Variants in SSUH2 observed in about 807,000 individuals in gnomAD.
SSUH2 encodes ssu-2 homolog, also known as protein SSUH2 homolog.
In SSUH2, 47 loss-of-function variants were observed where a neutral mutation model predicts 55.3. The observed-to-expected ratio is 0.85, with a 90% CI of 0.67 to 1.08. The LOEUF (loss-of-function observed/expected upper bound fraction) is 1.08. Ranked by LOEUF, SSUH2 falls within the 50% of genes least tolerant of loss-of-function variation. The probability of loss-of-function intolerance (pLI) is 0.00; values close to 1 mark genes in which losing one functional copy is unlikely to be tolerated. For synonymous variants in SSUH2, 212 were observed against 191.5 expected, an observed-to-expected ratio of 1.11 and a Z score of -0.89; for missense variants, 535 against 490.7, an observed-to-expected ratio of 1.09 and a Z score of -0.85.
intron 7 of SSUH2, among the ~76,000 whole-genome samples, chr3:8,628,867 T>G (rs1258500144): frequency 1.3e-5 from 2 of 152,162 alleles, no homozygotes; most frequent in East Asian, 3.9e-4. Context: ...TTGTTTTTTG[T>G]TTTTTTGAGA....
chr3:8,661,935 C>G (rs1396215376), intron 6 of SSUH2, among the ~76,000 whole-genome samples: 2 of 152,166 alleles, frequency 1.3e-5, no homozygotes, highest in African/African-American at 4.8e-5. Flanking sequence ...CTCATGAAAT[C>G]CGACGTTTCC....
intron 6 of SSUH2, chr3:8,663,737 C>T: frequency 4.4e-6 from 2 of 453,746 alleles, no homozygotes; most frequent in Non-Finnish European, 4.4e-6. Context: ...TCCATAGACG[C>T]TCTTACCTTA....
At chr3:8,622,553 C>G (rs1408538657) in intron 11 of SSUH2, among the ~76,000 whole-genome samples, 1 of 152,178 alleles carries the variant, frequency 6.6e-6, no homozygotes, top group Non-Finnish European at 1.5e-5. Flanking sequence ...TGTCGACAGG[C>G]CCCTTTGAAT....
intron 7 of SSUH2, among the ~76,000 whole-genome samples, chr3:8,657,172 T>A (rs1342974287): frequency 3.3e-5 from 5 of 152,198 alleles, no homozygotes; most frequent in African/African-American, 1.2e-4. Flanking sequence ...TGGACCACTG[T>A]GCCTGGCCCA....
intron 4 of SSUH2, 134 bp downstream of exon 4, chr3:8,633,532 C>A: frequency 3.2e-6 from 2 of 621,156 alleles, no homozygotes; most frequent in Non-Finnish European, 5.1e-6. Context: ...AACATCACCA[C>A]CGCTCACACT....
intron 5 of SSUH2, chr3:8,663,819 G>A: frequency 2.2e-6 from 1 of 456,730 alleles, no homozygotes; most frequent in South Asian, 1.5e-5. Context: ...AAGGCACACA[G>A]ATAAATTTAC....
At chr3:8,622,274 C>G (rs1387514417) in intron 11 of SSUH2, among the ~76,000 whole-genome samples, 3 of 152,144 alleles carry the variant, frequency 2.0e-5, no homozygotes, top group Admixed American at 6.5e-5. Context: ...CATTATACTC[C>G]TTTTTAAAGA....
chr3:8,663,902 G>C (rs1401026502), intron 5 of SSUH2: 3 of 445,702 alleles, frequency 6.7e-6, no homozygotes, highest in Non-Finnish European at 1.4e-5. Flanking sequence ...ACAAAGGAGG[G>C]AACTGCTTTC....
chr3:8,647,051 T>C (rs188878010), upstream of SSUH2, among the ~76,000 whole-genome samples: 1 of 152,332 alleles, frequency 6.6e-6, no homozygotes, highest in African/African-American at 2.4e-5. Flanking sequence ...CTATGTAATC[T>C]CACAGGTGGG....
At chr3:8,640,603 T>G (rs1433006311) in intron 1 of SSUH2, among the ~76,000 whole-genome samples, 1 of 150,290 alleles carries the variant, frequency 6.7e-6, no homozygotes, top group African/African-American at 2.5e-5. Context: ...ACGGCAACAG[T>G]AGGGAAAAAG....
chr3:8,633,865 C>T (rs778003039), intron 3 of SSUH2, 70 bp from the exon 4 acceptor site: 1 of 1,613,838 alleles, frequency 6.2e-7, no homozygotes, highest in East Asian at 2.2e-5. Context: ...GCCAGCCAGC[C>T]TCCTCAACGT....
chr3:8,626,902 C>T (rs1012726849), intron 8 of SSUH2: 1 of 152,298 alleles, frequency 6.6e-6, no homozygotes, highest in Non-Finnish European at 1.5e-5. Flanking sequence ...TACCCCTGGA[C>T]TTCATTCTTA....
intron 7 of SSUH2, among the ~76,000 whole-genome samples, chr3:8,650,764 G>C (rs550258174): frequency 6.6e-6 from 1 of 152,322 alleles, no homozygotes; most frequent in South Asian, 2.1e-4. Context: ...AAACTGACCA[G>C]TGACAGCTCC....
At chr3:8,624,378 G>A (rs937921961) in intron 10 of SSUH2, among the ~76,000 whole-genome samples, 6 of 152,220 alleles carry the variant, frequency 3.9e-5, no homozygotes, top group Admixed American at 1.3e-4. Flanking sequence ...AGCCAGTGAC[G>A]CCTAGGGATG....
intron 2 of SSUH2, among the ~76,000 whole-genome samples, chr3:8,678,887 GC>G (rs1198718101): frequency 3.6e-5 from 4 of 112,488 alleles, no homozygotes; most frequent in Admixed American, 8.8e-5. Context: ...GATCCCCATT[GC>G]AAGGGAGGGA....
intron 3 of SSUH2, among the ~76,000 whole-genome samples, chr3:8,672,807 T>G (rs1004921925): frequency 5.9e-5 from 9 of 152,152 alleles, no homozygotes; most frequent in Admixed American, 5.9e-4. Flanking sequence ...TGAGGAGGAA[T>G]ATCACCAGGT....
chr3:8,664,383 T>C (rs1277791697), intron 5 of SSUH2, among the ~76,000 whole-genome samples: 1 of 152,218 alleles, frequency 6.6e-6, no homozygotes, highest in Non-Finnish European at 1.5e-5. Context: ...GCGCTGTGTA[T>C]AGCACAGCCC....
intron 2 of SSUH2, among the ~76,000 whole-genome samples, 181 bp from the exon 3 acceptor site, chr3:8,635,562 C>G (rs1008671215): frequency 6.6e-6 from 1 of 152,246 alleles, no homozygotes; most frequent in Admixed American, 6.5e-5. Context: ...TGGGACCTGT[C>G]GCAGTCATGG....
intron 3 of SSUH2, chr3:8,634,034 G>A (rs1427273015): frequency 7.5e-7 from 1 of 1,337,492 alleles, no homozygotes; most frequent in South Asian, 1.4e-5. Flanking sequence ...GAAATGTGGA[G>A]CTTAGGAGAA....
Sources: gnomAD v4.1 joint callset for allele counts (sites outside exome capture counted in the v4.1 genomes callset) on GRCh38, gnomAD v4.1.1 for gene constraint, MANE v1.5 for transcripts, NCBI Gene and HGNC (gene_info 2026-07-23, HGNC 2026-07-21) for gene names.